Variants in ZZEF1 observed in about 807,000 individuals in gnomAD.
The protein encoded by ZZEF1 is zinc finger ZZ-type and EF-hand domain containing 1, also known as zinc finger ZZ-type and EF-hand domain-containing protein 1.
Under a neutral mutation model 342.8 loss-of-function variants are expected in ZZEF1, and 157 were observed. The ratio of observed to expected loss-of-function variants is 0.46; its 90% CI spans 0.40 to 0.52. The LOEUF (loss-of-function observed/expected upper bound fraction) is 0.52. Among genes scored for constraint, ZZEF1 ranks in the 20% least tolerant of loss-of-function variants. The pLI, the probability that ZZEF1 is intolerant of heterozygous loss-of-function variation, is 0.00. For missense variants in ZZEF1, 3,480 were observed against 3,725.6 expected (o/e 0.93, Z 1.72); for synonymous variants, 1,505 against 1,429.1 (o/e 1.05, Z -1.20).
intron 21 of ZZEF1, chr17:4,076,123 T>C (rs1233693599): frequency 6.8e-6 from 1 of 146,970 alleles, no homozygotes; most frequent in African/African-American, 2.6e-5. Flanking sequence ...TACAGCTTTT[T>C]CTGCGTCTCC....
intron 42 of ZZEF1, among the ~76,000 whole-genome samples, chr17:4,029,562 C>T (rs889140346): frequency 2.0e-5 from 3 of 152,048 alleles, no homozygotes; most frequent in Admixed American, 1.3e-4. Flanking sequence ...TAAAATTCTT[C>T]TATTGCCAAG....
At chr17:4,009,487 G>A (rs1011276761) in intron 53 of ZZEF1, 117 bp downstream of exon 53, 2 of 1,405,616 alleles carry the variant, frequency 1.4e-6, no homozygotes, top group Non-Finnish European at 2.0e-6. Context: ...GTCCTGTGTG[G>A]CCTGTCGAGA....
chr17:4,124,241 G>T (rs1399989552), intron 1 of ZZEF1, among the ~76,000 whole-genome samples, 190 bp from the exon 2 acceptor site: 1 of 152,178 alleles, frequency 6.6e-6, no homozygotes, highest in Non-Finnish European at 1.5e-5. Context: ...ATGTATGTAT[G>T]CAAGTACACA....
At chr17:4,097,089 G>A (rs549962766) in intron 9 of ZZEF1, among the ~76,000 whole-genome samples, 6 of 151,896 alleles carry the variant, frequency 4.0e-5, no homozygotes, top group South Asian at 2.1e-4. Context: ...GAGAAACCCC[G>A]TCTCTACTAA....
Position 4,017,457 on chromosome 17 carries a change from C to G in ZZEF1, c.7915G>C (p.Asp2639His). The G allele has an allele frequency of 6.2e-7, 1 of 1,614,220 alleles. No homozygotes were observed. ...GCAGGGCCACTGAGCTCCAGGATGTCCTCGCTCACTGGCACGTGGCTAGGC... is the reference window on the plus strand; with the variant it reads ...GCAGGGCCACTGAGCTCCAGGATGTGCTCGCTCACTGGCACGTGGCTAGGC... ...EWPSHVPVSE[D>H]ILELSGPAHM... Residue 2639 changes from aspartate (D) to histidine (H), a missense_variant, in exon 48 of 55, where the codon GAC becomes CAC. Transcript: ENST00000381638. The surrounding 1 kb of genome is among the most constrained non-coding windows in gnomAD (Gnocchi z 5.1).
At chr17:4,117,955 A>ATATC (rs531234787) in intron 2 of ZZEF1, among the ~76,000 whole-genome samples, 122 of 152,170 alleles carry the variant, frequency 8.0e-4, no homozygotes, top group Non-Finnish European at 1.5e-3. Context: ...CACATACATC[A>ATATC]TATCATTCCA....
At chr17:4,100,284 G>A (rs1161948182) in intron 9 of ZZEF1, among the ~76,000 whole-genome samples, 2 of 152,178 alleles carry the variant, frequency 1.3e-5, no homozygotes, top group African/African-American at 2.4e-5. Flanking sequence ...AAGAGAGACC[G>A]ACATCAACCC....
At position 4,017,469 on chromosome 17, in the gene ZZEF1, G is replaced by C. The variant is rs769321236; in HGVS notation, c.7903C>G (p.Pro2635Ala). Residue 2635 changes from proline to alanine, a missense_variant, in exon 48 of 55, where the codon CCA becomes GCA. Physicochemically the swap from Pro to Ala is conservative, Grantham distance 27 (BLOSUM62 -1). Coordinates refer to ENST00000381638, the MANE Select transcript of ZZEF1 (RefSeq NM_015113.4). This position sits in a 1 kb window ranked among gnomAD's most constrained non-coding sequence, Gnocchi z 5.1. Reference protein sequence around the residue: ...SLLAEWPSHVPVSEDILELSG... With the variant: ...SLLAEWPSHVAVSEDILELSG... ...AGCTCCAGGATGTCCTCGCTCACTG[G>C]CACGTGGCTAGGCCACTCGGCGAGC... 6.2e-7 allele frequency: 1 copy of C among 1,614,248 alleles called. No homozygotes were observed. The highest frequency in any genetic ancestry group is 1.1e-5 in the South Asian group (1 of 91,092).
chr17:4,075,961 G>A (rs566587675), intron 21 of ZZEF1: 1 of 151,196 alleles, frequency 6.6e-6, no homozygotes, highest in Non-Finnish European at 1.5e-5. Flanking sequence ...TAAACGTTAT[G>A]TATGTATAAT....
intron 3 of ZZEF1, among the ~76,000 whole-genome samples, chr17:4,115,407 A>G (rs2058378396): frequency 6.6e-6 from 1 of 152,202 alleles, no homozygotes; most frequent in Admixed American, 6.5e-5. Flanking sequence ...TCACACCTGT[A>G]ATCCCAGCAC....
At position 4,006,938 on chromosome 17, in the gene ZZEF1, G is replaced by A; in HGVS notation, c.8838C>T (p.Ala2946=). The change falls in exon 55 of 55, where the codon GCC becomes GCT. Residue 2946 remains alanine, a synonymous_variant. Transcript: ENST00000381638. ...ALQNIAAISL[A]INYPNKATRL... ...GGGTGGCCTTGTTTGGGTAGTTGAT[G>A]GCCAGGCTGATGGCAGCAATGTTCT... 2 of 1,579,216 alleles carry A rather than the reference G, an allele frequency of 1.3e-6. No individual in the cohort carries two copies. The highest frequency in any genetic ancestry group is 1.7e-4 in the Middle Eastern group (1 of 6,022).
At chr17:4,024,255 T>C (rs1267097607) in intron 43 of ZZEF1, among the ~76,000 whole-genome samples, 1 of 138,422 alleles carries the variant, frequency 7.2e-6, no homozygotes, top group Non-Finnish European at 1.5e-5. Flanking sequence ...TGGAGTGCAA[T>C]GGCATGATCT....
chr17:4,057,169 G>A (rs367559150), intron 32 of ZZEF1, among the ~76,000 whole-genome samples: 4 of 152,334 alleles, frequency 2.6e-5, no homozygotes, highest in Middle Eastern at 3.4e-3. Flanking sequence ...GGACTGTGGC[G>A]TGCGGGGAGA....
chr17:4,133,341 A>G (rs771958113), intron 1 of ZZEF1, among the ~76,000 whole-genome samples: 3 of 152,174 alleles, frequency 2.0e-5, no homozygotes, highest in Non-Finnish European at 2.9e-5. Context: ...ACCTTGCCTG[A>G]GGTCACACAG....
chr17:4,046,571 T>A (rs139519595), intron 37 of ZZEF1, among the ~76,000 whole-genome samples: 1 of 152,184 alleles, frequency 6.6e-6, no homozygotes, highest in East Asian at 1.9e-4. Context: ...CCTCTGCATA[T>A]GTAACCTCAA....
intron 24 of ZZEF1, 77 bp downstream of exon 24, chr17:4,074,073 G>A (rs2057560793): frequency 2.0e-6 from 3 of 1,526,104 alleles, no homozygotes; most frequent in East Asian, 2.3e-5. Flanking sequence ...ACGTGGAAAC[G>A]ACCTACAAGA....
At chr17:4,074,010 A>C in intron 24 of ZZEF1, 140 bp downstream of exon 24, 1 of 978,928 alleles carries the variant, frequency 1.0e-6, no homozygotes, top group South Asian at 1.6e-5. Context: ...TGGACACTTT[A>C]TTCTTTCGGT....
chr17:4,033,270 A>C (rs1218581206), intron 40 of ZZEF1: 4 of 357,544 alleles, frequency 1.1e-5, no homozygotes, highest in Non-Finnish European at 2.0e-5. Context: ...ACTCATATTC[A>C]AACACAGAAG....
chr17:4,074,069 A>T, intron 24 of ZZEF1, 81 bp downstream of exon 24: 2 of 1,515,194 alleles, frequency 1.3e-6, no homozygotes, highest in Non-Finnish European at 1.8e-6. Flanking sequence ...CATTACGTGG[A>T]AACGACCTAC....
Sources: gnomAD v4.1 joint callset for allele counts (sites outside exome capture counted in the v4.1 genomes callset) on GRCh38, gnomAD v4.1.1 for gene constraint, Gnocchi (gnomAD v3.1) non-coding constraint, MANE v1.5 for transcripts, NCBI Gene and HGNC (gene_info 2026-07-23, HGNC 2026-07-21) for gene names.